The following FRMPD1 variants were observed in gnomAD, a reference collection of about 807,000 sequenced individuals.
FRMPD1 encodes the protein FERM and PDZ domain containing 1, also known as FERM and PDZ domain-containing protein 1.
In FRMPD1, 76 loss-of-function variants were observed where a neutral mutation model predicts 117.8. That is an observed-to-expected ratio of 0.65 (90% CI 0.54 to 0.78). The LOEUF (loss-of-function observed/expected upper bound fraction) is 0.78, where lower values mean the gene tolerates loss of function less well. Ranked by LOEUF, FRMPD1 falls within the 30% of genes least tolerant of loss-of-function variation. The probability of loss-of-function intolerance (pLI) is 0.00; values close to 1 mark genes in which losing one functional copy is unlikely to be tolerated. For synonymous variants in FRMPD1, 783 were observed against 770.4 expected (o/e 1.02, Z -0.27); for missense variants, 1,786 against 1,964.5 (o/e 0.91, Z 1.72).
At chr9:37,664,480 C>T (rs1031263916) in intron 1 of FRMPD1, among the ~76,000 whole-genome samples, 3 of 151,880 alleles carry the variant, frequency 2.0e-5, no homozygotes, top group South Asian at 2.1e-4. Flanking sequence ...CCTTACCCCA[C>T]CCCCGACAGG....
chr9:37,665,831 C>A (rs1305160250), intron 1 of FRMPD1, among the ~76,000 whole-genome samples: 1 of 152,132 alleles, frequency 6.6e-6, no homozygotes, highest in Non-Finnish European at 1.5e-5. Context: ...GTTCTGGACC[C>A]CAGCAGCCAC....
chr9:37,676,782 C>T (rs536703649), intron 1 of FRMPD1, among the ~76,000 whole-genome samples: 24 of 152,324 alleles, frequency 1.6e-4, no homozygotes, highest in African/African-American at 5.1e-4. Flanking sequence ...GCGAGACACA[C>T]ACTGCCCTGC....
At position 37,744,655 on chromosome 9, in the gene FRMPD1, C is replaced by T; in HGVS notation, c.2623C>T (p.Leu875=). The T allele has an allele frequency of 6.2e-7, 1 of 1,614,076 alleles. No homozygotes were observed. Among genetic ancestry groups the T allele is most frequent in the Non-Finnish European group, 8.5e-7 (1 of 1,179,978 alleles). Residue 875 remains leucine (L), a synonymous_variant, in exon 16 of 16, where the codon CTG becomes TTG. Coordinates refer to ENST00000377765, the MANE Select transcript of FRMPD1 (RefSeq NM_014907.3). ...GTGCTACTATGACAGGGAGCCCTAC[C>T]TGGCCCTTGGTGCACCCTCCCCAAC... is the stretch of plus-strand genomic sequence containing the variant. The part of the protein sequence containing the change: ...DVCYYDREPY[L]ALGAPSPTVS...
chr9:37,722,549 G>A (rs959245977), intron 6 of FRMPD1, among the ~76,000 whole-genome samples: 10 of 152,050 alleles, frequency 6.6e-5, no homozygotes, highest in Admixed American at 5.2e-4. Context: ...CTGGGACTAT[G>A]GGTGTGTGCC....
intron 1 of FRMPD1, among the ~76,000 whole-genome samples, chr9:37,687,371 T>C (rs1821987288): frequency 6.6e-6 from 1 of 151,686 alleles, no homozygotes; most frequent in South Asian, 2.1e-4. Flanking sequence ...CATTCTTTGA[T>C]TTTTCAGTGT....
intron 2 of FRMPD1, among the ~76,000 whole-genome samples, chr9:37,706,527 G>A (rs1822711124): frequency 6.6e-6 from 1 of 152,180 alleles, no homozygotes; most frequent in Non-Finnish European, 1.5e-5. Flanking sequence ...ACCTTCCTCA[G>A]AAAGAACCAC....
chr9:37,608,204 T>A, the FRMPD1 span, among the ~76,000 whole-genome samples: 3 of 152,220 alleles, frequency 2.0e-5, no homozygotes, highest in Admixed American at 2.0e-4. Context: ...TGTCAAACCC[T>A]TTTCAAAGCT....
At chr9:37,687,995 T>G (rs1005557158) in intron 1 of FRMPD1, among the ~76,000 whole-genome samples, 3 of 152,134 alleles carry the variant, frequency 2.0e-5, no homozygotes, top group African/African-American at 7.2e-5. Flanking sequence ...TAGGTCTCTA[T>G]TAATTCAGGA....
chr9:37,613,181 T>A, the FRMPD1 span, among the ~76,000 whole-genome samples: 10 of 152,350 alleles, frequency 6.6e-5, 1 homozygote, highest in South Asian at 1.9e-3. Flanking sequence ...GCAAGTAGTG[T>A]GCTCCTAGAG....
chr9:37,733,959 T>C, intron 12 of FRMPD1, 134 bp downstream of exon 12: 1 of 650,566 alleles, frequency 1.5e-6, no homozygotes, highest in Non-Finnish European at 2.7e-6. Context: ...AACTAAATAG[T>C]ACACCACTGG....
At chr9:37,634,789 A>G in the FRMPD1 span, among the ~76,000 whole-genome samples, 1 of 150,692 alleles carries the variant, frequency 6.6e-6, no homozygotes, top group Non-Finnish European at 1.5e-5. Context: ...AAAGGGATCC[A>G]TGTGCAGAAC....
Position 37,732,365 on chromosome 9 carries a change from G to A in FRMPD1, c.920G>A (p.Arg307Gln), listed in dbSNP as rs201563368. The part of the protein sequence containing the change: ...AVEMKCSSAL[R>Q]LAALHIQERI... ...GAAATGAAATGTAGCTCTGCACTCCGACTCGCGGCTCTGCACATCCAGGAA... is the reference window on the plus strand; with the variant it reads ...GAAATGAAATGTAGCTCTGCACTCCAACTCGCGGCTCTGCACATCCAGGAA... The change falls in exon 10 of 16, where the codon CGA (arginine) becomes CAA (glutamine). Residue 307 changes from arginine to glutamine, a missense_variant. Physicochemically the swap from Arg to Gln is conservative, Grantham distance 43. Coordinates refer to ENST00000377765, the MANE Select transcript of FRMPD1 (RefSeq NM_014907.3). The A allele has an allele frequency of 3.7e-5, 60 of 1,613,704 alleles. No homozygotes were observed. Among genetic ancestry groups the A allele is most frequent in the Non-Finnish European group, 8.5e-6 (10 of 1,179,936 alleles).
intron 1 of FRMPD1, among the ~76,000 whole-genome samples, chr9:37,653,351 C>T (rs1820738734): frequency 6.6e-6 from 1 of 152,140 alleles, no homozygotes; most frequent in Non-Finnish European, 1.5e-5. Context: ...TGTTTGAAGG[C>T]ACCATTGGAG....
In FRMPD1 at chr9:37,739,687, G is replaced by T. The variant is rs545567013; in HGVS notation, c.1550-391G>T. Among the ~76,000 whole-genome samples the T allele has an allele frequency of 1.1e-3, 164 of 152,312 alleles. 1 individual carries two copies. The highest frequency in any genetic ancestry group is 3.8e-3 in the African/African-American group (160 of 41,564). On this transcript the variant is annotated intron_variant, in intron 14 of 15. Transcript: ENST00000377765. ...AGGATCTGTTGTATTTTTAAAATAT[G>T]ATTCCCCATCTGACTTTGACGCCCA...
At chr9:37,695,006 A>AATAGATAG (rs74171518) in intron 2 of FRMPD1, among the ~76,000 whole-genome samples, 2,727 of 150,906 alleles carry the variant, frequency 0.018, 53 homozygotes, top group African/African-American at 0.046. Flanking sequence ...GCCAAATAAG[A>AATAGATAG]ATAGATAGAT....
intron 1 of FRMPD1, among the ~76,000 whole-genome samples, chr9:37,683,853 A>G (rs7035627): frequency 0.058 from 5,540 of 95,824 alleles, 232 homozygotes; most frequent in East Asian, 0.23. Context: ...GGGGGAGATG[A>G]AGTTAGCAAG....
intron 2 of FRMPD1, among the ~76,000 whole-genome samples, chr9:37,703,102 T>C (rs967753203): frequency 6.6e-6 from 1 of 152,194 alleles, no homozygotes; most frequent in South Asian, 2.1e-4. Flanking sequence ...AATAATATGA[T>C]ATTTTTTCCT....
the FRMPD1 span, among the ~76,000 whole-genome samples, chr9:37,629,199 CA>C: frequency 4.7e-5 from 7 of 148,384 alleles, no homozygotes; most frequent in East Asian, 3.9e-4. Context: ...ACTCCATCTC[CA>C]AAAAAAAAAG....
chr9:37,741,252 G>A (rs1035797059), intron 15 of FRMPD1, among the ~76,000 whole-genome samples: 5 of 152,042 alleles, frequency 3.3e-5, no homozygotes, highest in African/African-American at 4.8e-5. Context: ...CTGATCCTGA[G>A]GCTGCATTAA....
Sources: gnomAD v4.1 joint callset for allele counts (sites outside exome capture counted in the v4.1 genomes callset) on GRCh38, gnomAD v4.1.1 for gene constraint, MANE v1.5 for transcripts, NCBI Gene and HGNC (gene_info 2026-07-23, HGNC 2026-07-21) for gene names.